The following NRG1 variants were observed in gnomAD, a reference collection of about 807,000 sequenced individuals.
NRG1 encodes the protein neuregulin 1.
A neutral mutation model predicts 63.8 loss-of-function variants in NRG1; 18 were observed. The ratio of observed to expected loss-of-function variants is 0.28; its 90% CI spans 0.19 to 0.42. The LOEUF (loss-of-function observed/expected upper bound fraction) is 0.42. Among genes scored for constraint, NRG1 ranks in the 10% least tolerant of loss-of-function variants. NRG1 has a pLI of 1.00. For missense variants in NRG1, 762 were observed against 814.7 expected (o/e 0.94, Z 0.79); for synonymous variants, 302 against 301.3 (o/e 1.00, Z -0.02).
In NRG1 at chr8:32,614,579, C is replaced by A. The variant is rs760482511; in HGVS notation, c.451+15C>A. On this transcript the variant is annotated intron_variant, in intron 4 of 11. Coordinates refer to ENST00000356819, the Ensembl canonical transcript of NRG1. ...TGTGTCTTCAGGTAAGGAAAATAAG[C>A]CTGGCAAATTTTACTAACCAGAATG... 8.1e-6 allele frequency: 13 copies of A among 1,610,230 alleles called. No individual in the cohort carries two copies. The South Asian group carries it at 1.1e-4, about 14-fold the overall frequency.
In NRG1 at chr8:31,745,104, G is replaced by A. The variant is rs547348574; in HGVS notation, c.37+105673G>A. ...ATTTTCCAGGAATTAGGGAGAAAAT[G>A]AGGAAGAAAATTTTACAAGTAGAGT... On this transcript the variant is annotated intron_variant, in intron 1 of 10. Transcript: ENST00000519301. Among the ~76,000 whole-genome samples, 7 of 152,076 alleles carry A rather than the reference G, an allele frequency of 4.6e-5. No homozygotes were observed. The East Asian group carries it at 9.7e-4, about 21-fold the overall frequency.
At chr8:32,373,606 A>C (rs1183877934) in intron 1 of NRG1, among the ~76,000 whole-genome samples, 1 of 152,018 alleles carries the variant, frequency 6.6e-6, no homozygotes, top group Non-Finnish European at 1.5e-5. Context: ...GTGAAACCCT[A>C]TCTCTACTAA....
chr8:31,641,261 C>T (rs1803749438), intron 1 of NRG1, among the ~76,000 whole-genome samples: 1 of 151,946 alleles, frequency 6.6e-6, no homozygotes, highest in African/African-American at 2.4e-5. Flanking sequence ...ACTCAATGTC[C>T]AGCAGAGAGG....
chr8:32,743,595 T>TATATAA (rs1439936922), intron 7 of NRG1, among the ~76,000 whole-genome samples: 1 of 141,794 alleles, frequency 7.1e-6, no homozygotes, highest in African/African-American at 2.5e-5. Flanking sequence ...TATATATATA[T>TATATAA]AAAACTTAAT....
At chr8:31,912,059 CTTG>C (rs1032360646) in intron 1 of NRG1, among the ~76,000 whole-genome samples, 4 of 152,214 alleles carry the variant, frequency 2.6e-5, no homozygotes, top group African/African-American at 9.6e-5. Context: ...ACCTGATAGA[CTTG>C]TTGTGAGTGT....
At chr8:32,450,684 G>A (rs1478373898) in intron 1 of NRG1, among the ~76,000 whole-genome samples, 1 of 152,100 alleles carries the variant, frequency 6.6e-6, no homozygotes, top group Non-Finnish European at 1.5e-5. Context: ...CCAAAGCGCT[G>A]AGATTATAGA....
chr8:32,042,019 C>G (rs1820143689), intron 1 of NRG1, among the ~76,000 whole-genome samples: 1 of 152,040 alleles, frequency 6.6e-6, no homozygotes, highest in Non-Finnish European at 1.5e-5. Context: ...GAATAGTGCT[C>G]AGAAGAGTTT....
intron 1 of NRG1, among the ~76,000 whole-genome samples, chr8:32,303,773 C>T (rs932019156): frequency 6.6e-6 from 1 of 152,142 alleles, no homozygotes; most frequent in Non-Finnish European, 1.5e-5. Context: ...ACATTTCTAG[C>T]ATTTGTCTAA....
At chr8:32,339,223 C>A (rs1256565777) in intron 1 of NRG1, among the ~76,000 whole-genome samples, 1 of 152,044 alleles carries the variant, frequency 6.6e-6, no homozygotes, top group Non-Finnish European at 1.5e-5. Flanking sequence ...TGAATATACA[C>A]CCATGGTGCA....
At chr8:31,713,176 G>T (rs1019611542) in intron 1 of NRG1, among the ~76,000 whole-genome samples, 5 of 145,112 alleles carry the variant, frequency 3.4e-5, no homozygotes, top group Non-Finnish European at 6.0e-5. Flanking sequence ...GAGTGCAGTG[G>T]TGGGATCTCC....
chr8:32,570,048 C>T (rs1398207312), intron 1 of NRG1, among the ~76,000 whole-genome samples: 1 of 151,652 alleles, frequency 6.6e-6, no homozygotes, highest in Non-Finnish European at 1.5e-5. Context: ...GCTGGGATTA[C>T]AGGCACACAC....
chr8:31,905,163 C>T (rs1020750943), intron 1 of NRG1, among the ~76,000 whole-genome samples: 2 of 152,048 alleles, frequency 1.3e-5, no homozygotes, highest in South Asian at 4.2e-4. Context: ...GAGAGACAAT[C>T]CAGTTTCCAC....
rs371939009 is a variant in NRG1, at chr8:31,830,489, A to T, written c.37+191058A>T. On this transcript the variant is annotated intron_variant, in intron 1 of 10. Coordinates refer to the NRG1 transcript ENST00000519301. ...GACAACTTAAATTGCAAGCTACCAG[A>T]AATATCATATTAAACTAACCAGTGA... Among the ~76,000 whole-genome samples, 4 of 152,222 alleles carry T rather than the reference A, an allele frequency of 2.6e-5. No homozygotes were observed. The South Asian group carries it at 6.2e-4, about 24-fold the overall frequency.
chr8:31,927,662 A>G (rs1395284329), intron 1 of NRG1, among the ~76,000 whole-genome samples: 1 of 148,416 alleles, frequency 6.7e-6, no homozygotes, highest in Non-Finnish European at 1.5e-5. Context: ...TTTAGCCGGG[A>G]TGGTCTCGAT....
chr8:32,706,261 A>G (rs1021659356), intron 5 of NRG1, among the ~76,000 whole-genome samples: 1 of 152,196 alleles, frequency 6.6e-6, no homozygotes, highest in African/African-American at 2.4e-5. Context: ...TTCAAATGTT[A>G]ATTATATTTA....
intron 1 of NRG1, among the ~76,000 whole-genome samples, chr8:32,060,296 A>T (rs554813267): frequency 6.6e-6 from 1 of 151,978 alleles, no homozygotes; most frequent in Non-Finnish European, 1.5e-5. Context: ...ATCTAATAGA[A>T]CTATTTACAC....
intron 1 of NRG1, among the ~76,000 whole-genome samples, chr8:32,079,287 A>T: frequency 6.6e-6 from 1 of 152,250 alleles, no homozygotes; most frequent in Non-Finnish European, 1.5e-5. Context: ...TAGTTTGTTT[A>T]AAAGATAAAG....
chr8:32,597,850 C>T (rs765452421), intron 2 of NRG1, among the ~76,000 whole-genome samples: 1 of 151,934 alleles, frequency 6.6e-6, no homozygotes, highest in Non-Finnish European at 1.5e-5. Flanking sequence ...AGCATATGTG[C>T]ATGAGGGGAG....
intron 1 of NRG1, among the ~76,000 whole-genome samples, chr8:32,118,567 G>A (rs971373764): frequency 1.2e-4 from 19 of 152,074 alleles, no homozygotes; most frequent in African/African-American, 4.6e-4. Context: ...CAATACAAAT[G>A]GACGAAGACA....
Sources: allele counts gnomAD v4.1 joint callset (sites outside exome capture counted in the v4.1 genomes callset), GRCh38; gene constraint gnomAD v4.1.1; transcripts MANE v1.5; gene names NCBI Gene and HGNC (gene_info 2026-07-23, HGNC 2026-07-21).